Variants in GPC5 observed in about 807,000 individuals in gnomAD.
GPC5 encodes the protein glypican-5.
GPC5 carries 47 observed loss-of-function variants against 53.9 expected under a neutral mutation model. That is an observed-to-expected ratio of 0.87 (90% confidence interval 0.69 to 1.11). The LOEUF (loss-of-function observed/expected upper bound fraction) is 1.11. Among genes scored for constraint, GPC5 ranks in the 50% most tolerant of loss-of-function variants. The pLI, the probability that GPC5 is intolerant of heterozygous loss-of-function variation, is 0.00. For missense variants in GPC5, 748 were observed against 713.1 expected, an observed-to-expected ratio of 1.05 and a Z score of -0.56; for synonymous variants, 286 against 263.3, an observed-to-expected ratio of 1.09 and a Z score of -0.84.
chr13:92,053,759 G>A (rs1367169637), intron 6 of GPC5, among the ~76,000 whole-genome samples: 1 of 151,838 alleles, frequency 6.6e-6, no homozygotes, highest in Non-Finnish European at 1.5e-5. Flanking sequence ...GGCCGGGCGC[G>A]GTGGTTTACA....
chr13:92,504,594 A>G (rs9556188), intron 7 of GPC5, among the ~76,000 whole-genome samples: 86,957 of 151,740 alleles, frequency 0.57, 25,588 homozygotes, highest in East Asian at 0.75. Flanking sequence ...ATTTCAAAAA[A>G]TTGTTTAGTA....
chr13:92,475,760 C>A (rs1322926468), intron 7 of GPC5, among the ~76,000 whole-genome samples: 1 of 151,990 alleles, frequency 6.6e-6, no homozygotes. Flanking sequence ...GATCTTTGAC[C>A]TGAGAAAACC....
chr13:92,527,182 G>GAGA (rs1881348721), intron 7 of GPC5, among the ~76,000 whole-genome samples: 2 of 45,128 alleles, frequency 4.4e-5, no homozygotes, highest in Non-Finnish European at 9.2e-5. Flanking sequence ...GAGAAAGAAA[G>GAGA]AAGAAAGAAA....
In GPC5 at chr13:91,640,714, G is replaced by A. The variant is rs533458767; in HGVS notation, c.326-52473G>A. ...CTCAGGAGTCTGAGGCAGGAGAATC[G>A]CTTGAACCTGGGAGGTGGAGGTTGC... On this transcript the variant is annotated intron_variant, in intron 2 of 7. Coordinates refer to ENST00000377067, the MANE Select transcript of GPC5 (RefSeq NM_004466.6). Among the ~76,000 whole-genome samples, 7 of 151,760 alleles carry A rather than the reference G, an allele frequency of 4.6e-5. No homozygotes were observed. In the South Asian group the frequency reaches 1.3e-3, roughly 27 times the overall value.
At chr13:91,998,414 A>C (rs1192230487) in intron 6 of GPC5, among the ~76,000 whole-genome samples, 1 of 152,226 alleles carries the variant, frequency 6.6e-6, no homozygotes, top group Non-Finnish European at 1.5e-5. Context: ...TGTTAGAATC[A>C]TGATTAATAT....
At chr13:91,495,740 A>C (rs1458189588) in intron 2 of GPC5, among the ~76,000 whole-genome samples, 1 of 152,242 alleles carries the variant, frequency 6.6e-6, no homozygotes, top group Admixed American at 6.5e-5. Context: ...ATAACAAATG[A>C]ATCTTGTTGT....
At chr13:92,127,191 T>A (rs2041705347) in intron 6 of GPC5, among the ~76,000 whole-genome samples, 1 of 152,036 alleles carries the variant, frequency 6.6e-6, no homozygotes, top group Non-Finnish European at 1.5e-5. Context: ...AAAGCGTGAA[T>A]GAAAGCAGGT....
intron 7 of GPC5, among the ~76,000 whole-genome samples, chr13:92,752,631 C>G (rs541171379): frequency 6.6e-6 from 1 of 152,078 alleles, no homozygotes; most frequent in Non-Finnish European, 1.5e-5. Flanking sequence ...AGTGGGTGCG[C>G]GCACCGTGCG....
At chr13:92,292,589 G>A (rs9523605) in intron 7 of GPC5, among the ~76,000 whole-genome samples, 12,985 of 152,088 alleles carry the variant, frequency 0.085, 604 homozygotes, top group Middle Eastern at 0.12. Flanking sequence ...CAGATGTATA[G>A]ATTGTGAAGG....
intron 7 of GPC5, among the ~76,000 whole-genome samples, chr13:92,423,271 C>A (rs764972787): frequency 2.2e-4 from 34 of 152,102 alleles, no homozygotes; most frequent in Admixed American, 3.3e-4. Flanking sequence ...AACATTCAGT[C>A]CATTGCAACA....
At chr13:91,823,901 C>A (rs545789044) in intron 5 of GPC5, among the ~76,000 whole-genome samples, 107 of 152,064 alleles carry the variant, frequency 7.0e-4, no homozygotes, top group African/African-American at 2.5e-3. Flanking sequence ...ATTTATAATT[C>A]TGTTTCTAAG....
intron 2 of GPC5, among the ~76,000 whole-genome samples, chr13:91,572,270 T>A (rs1331403013): frequency 1.3e-5 from 2 of 150,746 alleles, no homozygotes; most frequent in African/African-American, 4.9e-5. Flanking sequence ...TGTATATACA[T>A]GTGTATATAT....
chr13:92,350,822 AG>A (rs67160673), intron 7 of GPC5, among the ~76,000 whole-genome samples: 4,145 of 152,266 alleles, frequency 0.027, 83 homozygotes, highest in Non-Finnish European at 0.042. Flanking sequence ...ACAATAAAAT[AG>A]TTTTTAAAAG....
chr13:92,674,985 G>C (rs1442314251), intron 7 of GPC5, among the ~76,000 whole-genome samples: 1 of 152,056 alleles, frequency 6.6e-6, no homozygotes, highest in African/African-American at 2.4e-5. Flanking sequence ...CCTAAGGTGA[G>C]TATGCAGTTT....
chr13:92,640,409 G>A (rs1408969984), intron 7 of GPC5, among the ~76,000 whole-genome samples: 1 of 151,906 alleles, frequency 6.6e-6, no homozygotes, highest in Non-Finnish European at 1.5e-5. Flanking sequence ...GCAGGCGCCC[G>A]CCACCATGCC....
chr13:91,948,828 G>C (rs560259218), intron 6 of GPC5, among the ~76,000 whole-genome samples: 3 of 150,336 alleles, frequency 2.0e-5, no homozygotes, highest in African/African-American at 7.5e-5. Flanking sequence ...AAGTAAATTA[G>C]CCATGCAATG....
At chr13:92,277,469 T>G (rs2139163701) in intron 7 of GPC5, among the ~76,000 whole-genome samples, 1 of 152,146 alleles carries the variant, frequency 6.6e-6, no homozygotes, top group South Asian at 2.1e-4. Context: ...TAGCTTGTAA[T>G]TAGTGGAAGG....
intron 2 of GPC5, among the ~76,000 whole-genome samples, chr13:91,497,276 T>C (rs1420302958): frequency 2.0e-5 from 3 of 151,830 alleles, no homozygotes; most frequent in Non-Finnish European, 4.4e-5. Flanking sequence ...TCAGCTATTA[T>C]ACTGAAGTCA....
chr13:92,266,339 G>A (rs965494120), intron 7 of GPC5, among the ~76,000 whole-genome samples: 7 of 151,928 alleles, frequency 4.6e-5, no homozygotes, highest in African/African-American at 1.7e-4. Flanking sequence ...ACTCTGAATG[G>A]GAAGATTTTA....
Sources: allele counts gnomAD v4.1 joint callset (sites outside exome capture counted in the v4.1 genomes callset), GRCh38; gene constraint gnomAD v4.1.1; transcripts MANE v1.5; gene names NCBI Gene and HGNC (gene_info 2026-07-23, HGNC 2026-07-21).